TENM3: variants seen among roughly 807,000 people sequenced by gnomAD.
TENM3 encodes teneurin transmembrane protein 3.
TENM3 carries 63 observed loss-of-function variants against 255.1 expected under a neutral mutation model. The ratio of observed to expected loss-of-function variants is 0.25; its 90% CI spans 0.20 to 0.30. TENM3 has a LOEUF of 0.30. Among genes scored for constraint, TENM3 ranks in the 10% least tolerant of loss-of-function variants. The pLI, the probability that TENM3 is intolerant of heterozygous loss-of-function variation, is 1.00. For synonymous variants in TENM3, 1,306 were observed against 1,322.3 expected (o/e 0.99, Z 0.27); for missense variants, 2,929 against 3,461.1 (o/e 0.85, Z 3.86).
the TENM3 span, among the ~76,000 whole-genome samples, chr4:181,642,991 C>T: frequency 6.6e-5 from 10 of 152,078 alleles, no homozygotes; most frequent in Non-Finnish European, 1.5e-4. Context: ...TATGTGGGCT[C>T]TTCTTTGGTT....
At position 182,600,920 on chromosome 4, in the gene TENM3, T is replaced by TC. The variant is rs1553996211; in HGVS notation, c.512-3dup. 2.9e-6 allele frequency: 3 copies of TC among 1,030,986 alleles called. No individual in the cohort carries two copies. The highest frequency in any genetic ancestry group is 4.0e-6 in the Non-Finnish European group (3 of 745,744). The allele number at this position is 1,030,986 out of a possible 1,614,324, so 63.9% of individuals were successfully genotyped here. ...TTCTTTTTTTTTTTTTTTTTTTTTT[T>TC]CAGAGCAACCTGCAAGCAATCAAGG... is the stretch of plus-strand genomic sequence containing the variant. On this transcript the variant is annotated splice_region_variant and splice_polypyrimidine_tract_variant and intron_variant, in intron 3 of 27. Coordinates refer to ENST00000511685, the MANE Select transcript of TENM3 (RefSeq NM_001080477.4).
At chr4:181,650,333 C>G in the TENM3 span, among the ~76,000 whole-genome samples, 1 of 152,246 alleles carries the variant, frequency 6.6e-6, no homozygotes, top group East Asian at 1.9e-4. Flanking sequence ...AGAGCATAAA[C>G]AAAGCATGTA....
the TENM3 span, among the ~76,000 whole-genome samples, chr4:181,902,915 G>C: frequency 5.3e-5 from 8 of 152,194 alleles, no homozygotes; most frequent in African/African-American, 1.9e-4. Flanking sequence ...AAGATTAACT[G>C]AAAGTAGCAT....
the TENM3 span, among the ~76,000 whole-genome samples, chr4:181,461,999 G>C: frequency 2.0e-5 from 3 of 152,144 alleles, no homozygotes; most frequent in Non-Finnish European, 2.9e-5. Context: ...TCCAACAAAA[G>C]TATTGGGCCT....
At chr4:182,499,665 A>G (rs1736136101) in intron 3 of TENM3, among the ~76,000 whole-genome samples, 1 of 152,200 alleles carries the variant, frequency 6.6e-6, no homozygotes. Context: ...AACTCATAGC[A>G]AATTAAAAAG....
chr4:181,796,154 G>A, the TENM3 span, among the ~76,000 whole-genome samples: 15 of 152,254 alleles, frequency 9.9e-5, 1 homozygote, highest in East Asian at 1.9e-4. Flanking sequence ...GAGGAGGAGC[G>A]TAATAGTATT....
the TENM3 span, among the ~76,000 whole-genome samples, chr4:181,997,632 G>A: frequency 1.3e-5 from 2 of 152,176 alleles, no homozygotes; most frequent in Non-Finnish European, 2.9e-5. Context: ...CTGATAGAAT[G>A]TGTCGCTGAG....
chr4:182,665,252 ATGG>A lies in TENM3; in HGVS notation c.1112-7752_1112-7750del, dbSNP rs1754568638. Among the ~76,000 whole-genome samples the A allele has an allele frequency of 2.0e-5, 3 of 152,344 alleles. No individual in the cohort carries two copies. The East Asian group carries it at 5.8e-4, about 29-fold the overall frequency. On this transcript the variant is annotated intron_variant, in intron 6 of 27. Coordinates refer to ENST00000511685, the MANE Select transcript of TENM3 (RefSeq NM_001080477.4). ...ATTCTACTCTGCCTGTGCTCTATAA[ATGG>A]AACAACAAAGCCTGGATGACAGCAC...
At chr4:182,749,585 C>G (rs1762235109) in intron 19 of TENM3, among the ~76,000 whole-genome samples, 2 of 152,126 alleles carry the variant, frequency 1.3e-5, no homozygotes, top group Admixed American at 6.5e-5. Flanking sequence ...TCGTGTAATC[C>G]TCCCAGCATC....
chr4:182,769,798 T>C (rs1764033885), intron 22 of TENM3, among the ~76,000 whole-genome samples: 2 of 147,520 alleles, frequency 1.4e-5, no homozygotes, highest in South Asian at 4.3e-4. Context: ...AATAAATAAA[T>C]ACATAAATAA....
At chr4:181,677,867 C>T in the TENM3 span, among the ~76,000 whole-genome samples, 1 of 152,108 alleles carries the variant, frequency 6.6e-6, no homozygotes, top group Non-Finnish European at 1.5e-5. Flanking sequence ...TTGCGCTTCT[C>T]CTTACACAGG....
At chr4:181,755,280 G>T in the TENM3 span, among the ~76,000 whole-genome samples, 1 of 152,000 alleles carries the variant, frequency 6.6e-6, no homozygotes, top group African/African-American at 2.4e-5. Flanking sequence ...CATTATTGTC[G>T]ATTTTTCTTT....
the TENM3 span, among the ~76,000 whole-genome samples, chr4:182,067,514 G>A: frequency 6.6e-6 from 1 of 152,266 alleles, no homozygotes; most frequent in East Asian, 1.9e-4. Context: ...GTGCCTGACC[G>A]AGGCTTTGGG....
the TENM3 span, among the ~76,000 whole-genome samples, chr4:181,637,905 A>T: frequency 1.3e-5 from 2 of 152,296 alleles, no homozygotes; most frequent in East Asian, 3.9e-4. Flanking sequence ...AAATGGGTAG[A>T]TGGATGAGTT....
At chr4:182,424,452 G>T in intron 3 of TENM3, among the ~76,000 whole-genome samples, 1 of 150,866 alleles carries the variant, frequency 6.6e-6, no homozygotes, top group Admixed American at 6.6e-5. Context: ...TGTTGATTTT[G>T]ATTTTTTACA....
At chr4:182,259,098 A>C (rs1758620148) in intron 1 of TENM3, among the ~76,000 whole-genome samples, 1 of 152,194 alleles carries the variant, frequency 6.6e-6, no homozygotes, top group Admixed American at 6.5e-5. Flanking sequence ...AAAGATGGTG[A>C]AGGTGTATTT....
chr4:181,479,183 A>G, the TENM3 span, among the ~76,000 whole-genome samples: 4 of 152,222 alleles, frequency 2.6e-5, no homozygotes, highest in African/African-American at 4.8e-5. Flanking sequence ...GTTATTTTAA[A>G]CAGTGATATT....
the TENM3 span, among the ~76,000 whole-genome samples, chr4:181,589,100 C>T: frequency 1.3e-5 from 2 of 152,124 alleles, no homozygotes; most frequent in African/African-American, 2.4e-5. Context: ...GTGAAATTAC[C>T]GACTCTAGAA....
Position 182,679,851 on chromosome 4 carries a change from G to C in TENM3, c.1512G>C (p.Gln504His). ...ATAATGATGGGAAAAATGCAGAGCA[G>C]GTGTCTTTTAATACCATTGTTATAG... Reference protein sequence around the residue: ...AFYNDGKNAEQVSFNTIVIES... With the variant: ...AFYNDGKNAEHVSFNTIVIES... Residue 504 changes from glutamine (Q) to histidine (H), a missense_variant, in exon 8 of 28, where the codon CAG becomes CAC. Gln to His is a conservative substitution (Grantham distance 24). This residue lies in a region of TENM3 where 1,608 missense variants were observed against 1,884.4 expected (regional missense o/e 0.85). Coordinates refer to ENST00000511685, the MANE Select transcript of TENM3 (RefSeq NM_001080477.4). The C allele has an allele frequency of 3.7e-6, 6 of 1,612,042 alleles. No individual in the cohort carries two copies. The highest frequency in any genetic ancestry group is 5.1e-6 in the Non-Finnish European group (6 of 1,178,926).
Sources: gnomAD v4.1 joint callset for allele counts (sites outside exome capture counted in the v4.1 genomes callset) on GRCh38, gnomAD v4.1.1 for gene constraint, gnomAD v4.1.1 regional missense constraint, MANE v1.5 for transcripts, NCBI Gene and HGNC (gene_info 2026-07-23, HGNC 2026-07-21) for gene names.